Variants in SYT17 observed in about 807,000 individuals in gnomAD.
The protein encoded by SYT17 is synaptotagmin 17.
SYT17 carries 22 observed loss-of-function variants against 46.7 expected under a neutral mutation model. The ratio of observed to expected loss-of-function variants is 0.47; its 90% CI spans 0.34 to 0.67. The LOEUF is 0.67. SYT17 is among the 30% of genes least tolerant of loss of function. SYT17 has a pLI of 0.01. For synonymous variants in SYT17, 251 were observed against 248.4 expected (o/e 1.01, Z -0.10); for missense variants, 519 against 612.8 (o/e 0.85, Z 1.62).
intron 5 of SYT17, chr16:19,211,327 C>A (rs1965892127): frequency 1.5e-6 from 1 of 686,944 alleles, no homozygotes; most frequent in Non-Finnish European, 2.7e-6. Context: ...CCCCTCTCGG[C>A]CCGTGGTGTG....
chr16:19,256,733 C>T (rs1469292957), intron 7 of SYT17, among the ~76,000 whole-genome samples: 1 of 152,042 alleles, frequency 6.6e-6, no homozygotes, highest in African/African-American at 2.4e-5. Context: ...CGTGCACCAA[C>T]ATGCCCAGCT....
intron 7 of SYT17, among the ~76,000 whole-genome samples, chr16:19,235,757 A>T (rs1966841175): frequency 6.6e-6 from 1 of 152,224 alleles, no homozygotes; most frequent in African/African-American, 2.4e-5. Context: ...TATTAGAATT[A>T]CGTGGAAATT....
chr16:19,209,550 G>A (rs1488483708), intron 5 of SYT17, among the ~76,000 whole-genome samples: 3 of 152,136 alleles, frequency 2.0e-5, no homozygotes, highest in African/African-American at 7.2e-5. Flanking sequence ...GGGGCTTATG[G>A]AGGAAGGGCA....
chr16:19,266,740 A>T, intron 7 of SYT17, 140 bp from the exon 8 acceptor site: 1 of 643,176 alleles, frequency 1.6e-6, no homozygotes, highest in Non-Finnish European at 2.5e-6. Context: ...GGAAAAAGAC[A>T]GCGTGCCCTA....
chr16:19,223,702 G>A (rs555481773), intron 6 of SYT17, among the ~76,000 whole-genome samples: 55 of 152,336 alleles, frequency 3.6e-4, no homozygotes, highest in African/African-American at 1.3e-3. Flanking sequence ...TCAGGGATCT[G>A]TTCAGCTCAG....
chr16:19,192,385 C>T (rs1026736735), intron 5 of SYT17, among the ~76,000 whole-genome samples: 1 of 152,018 alleles, frequency 6.6e-6, no homozygotes, highest in Non-Finnish European at 1.5e-5. Context: ...CGCACCACTG[C>T]ACTCCAGTCT....
rs58676816 is a variant in SYT17 at position 19,219,764 on chromosome 16, C to T, written c.952-3281C>T. Among the ~76,000 whole-genome samples, 686 of 152,322 alleles carry T rather than the reference C, an allele frequency of 4.5e-3. 5 individuals carry two copies. Among genetic ancestry groups the T allele is most frequent in the African/African-American group, 0.016 (655 of 41,556 alleles). ...AAATCTGTGTGCTATCCATCCCCCCCACAGGAGTGTATGTTCCATAAAGTC... is the reference window on the plus strand; with the variant it reads ...AAATCTGTGTGCTATCCATCCCCCCTACAGGAGTGTATGTTCCATAAAGTC... On this transcript the variant is annotated intron_variant, in intron 5 of 7. Transcript: ENST00000355377.
At chr16:19,226,082 A>G (rs1966486732) in intron 7 of SYT17, among the ~76,000 whole-genome samples, 1 of 152,094 alleles carries the variant, frequency 6.6e-6, no homozygotes, top group East Asian at 1.9e-4. Flanking sequence ...GTACTTCCCT[A>G]TATCATTGCT....
chr16:19,248,180 C>T (rs890037088), intron 7 of SYT17, among the ~76,000 whole-genome samples: 1 of 152,196 alleles, frequency 6.6e-6, no homozygotes, highest in Non-Finnish European at 1.5e-5. Context: ...ATTACCACTA[C>T]ACACCCACTA....
At chr16:19,199,740 A>AAAAC (rs76671089) in intron 5 of SYT17, among the ~76,000 whole-genome samples, 24,502 of 151,620 alleles carry the variant, frequency 0.16, 2,096 homozygotes, top group African/African-American at 0.2. Context: ...CTGTCTCAAG[A>AAAAC]AAACAAACAA....
At chr16:19,197,460 T>C (rs1334639030) in intron 5 of SYT17, among the ~76,000 whole-genome samples, 2 of 152,046 alleles carry the variant, frequency 1.3e-5, no homozygotes, top group Non-Finnish European at 2.9e-5. Flanking sequence ...TTATTATTAT[T>C]TTTTTTGAGA....
chr16:19,174,715 G>T (rs1347608183), intron 3 of SYT17, among the ~76,000 whole-genome samples: 2 of 152,196 alleles, frequency 1.3e-5, no homozygotes, highest in African/African-American at 4.8e-5. Flanking sequence ...TGTGAAATGG[G>T]ATGATAAAAA....
chr16:19,183,521 C>T lies in SYT17; in HGVS notation c.332-7C>T, dbSNP rs139808945. ...CTGTCTTCATTGTTATTTCTGGTGG[C>T]TCTCAGGTCTTGAGTCAAGACGTCC... On this transcript the variant is annotated splice_region_variant and splice_polypyrimidine_tract_variant and intron_variant, in intron 4 of 7. Transcript: ENST00000355377. This position sits in a 1 kb window ranked among gnomAD's most constrained non-coding sequence, Gnocchi z 5.6. 16 of 1,612,946 alleles carry T rather than the reference C, an allele frequency of 9.9e-6. No homozygotes were observed. In the East Asian group the frequency reaches 1.8e-4, roughly 18 times the overall value.
intron 7 of SYT17, among the ~76,000 whole-genome samples, chr16:19,237,397 T>C (rs1966863249): frequency 6.6e-6 from 1 of 152,066 alleles, no homozygotes; most frequent in Admixed American, 6.5e-5. Flanking sequence ...TGGACCAAAT[T>C]GAGGGCTAGC....
chr16:19,231,451 A>T (rs908571778), intron 7 of SYT17, among the ~76,000 whole-genome samples: 1 of 134,106 alleles, frequency 7.5e-6, no homozygotes, highest in Non-Finnish European at 1.5e-5. Context: ...GGTGCCTGTT[A>T]TCCCAGCTAC....
intron 7 of SYT17, among the ~76,000 whole-genome samples, chr16:19,254,795 G>T (rs899174811): frequency 1.3e-5 from 2 of 152,192 alleles, no homozygotes; most frequent in African/African-American, 4.8e-5. Flanking sequence ...TTGCTTTATA[G>T]TGACACCTTT....
At chr16:19,243,374 G>A (rs984440347) in intron 7 of SYT17, among the ~76,000 whole-genome samples, 1 of 152,168 alleles carries the variant, frequency 6.6e-6, no homozygotes, top group Admixed American at 6.5e-5. Flanking sequence ...ATCTTATTCT[G>A]CTTAATTGTA....
chr16:19,249,305 A>AATAAATAAATAG (rs1967852936), intron 7 of SYT17, among the ~76,000 whole-genome samples: 1 of 151,874 alleles, frequency 6.6e-6, no homozygotes, highest in Admixed American at 6.6e-5. Flanking sequence ...TAAATAAATA[A>AATAAATAAATAG]ATAAGTAAAT....
At chr16:19,221,000 T>G (rs922280459) in intron 5 of SYT17, among the ~76,000 whole-genome samples, 1 of 151,144 alleles carries the variant, frequency 6.6e-6, no homozygotes, top group Non-Finnish European at 1.5e-5. Context: ...AAGACCAGCC[T>G]GGGTAACACA....
Sources: gnomAD v4.1 joint callset for allele counts (sites outside exome capture counted in the v4.1 genomes callset) on GRCh38, gnomAD v4.1.1 for gene constraint, Gnocchi (gnomAD v3.1) non-coding constraint, MANE v1.5 for transcripts, NCBI Gene and HGNC (gene_info 2026-07-23, HGNC 2026-07-21) for gene names.